The following PHF21A variants were observed in gnomAD, a reference collection of about 807,000 sequenced individuals.
The protein encoded by PHF21A is PHD finger protein 21A, also known as BHC80a.
In PHF21A, 11 loss-of-function variants were observed where a neutral mutation model predicts 82.5. The observed-to-expected ratio is 0.13, with a 90% CI of 0.08 to 0.22. The LOEUF (loss-of-function observed/expected upper bound fraction) is 0.22, where lower values mean the gene tolerates loss of function less well. Among genes scored for constraint, PHF21A ranks in the 10% least tolerant of loss-of-function variants. The pLI is 1.00. For missense variants in PHF21A, 579 were observed against 837.8 expected, an observed-to-expected ratio of 0.69 and a Z score of 3.81; for synonymous variants, 297 against 302.8, an observed-to-expected ratio of 0.98 and a Z score of 0.20.
intron 12 of PHF21A, among the ~76,000 whole-genome samples, chr11:45,949,710 T>C (rs2091851384): frequency 6.6e-6 from 1 of 152,198 alleles, no homozygotes; most frequent in South Asian, 2.1e-4. Flanking sequence ...TGTTGAGAGT[T>C]TAACAATAGA....
intron 6 of PHF21A, among the ~76,000 whole-genome samples, chr11:46,050,922 A>T (rs1241772330): frequency 6.6e-6 from 1 of 152,176 alleles, no homozygotes; most frequent in Non-Finnish European, 1.5e-5. Flanking sequence ...ATCTGCTTGT[A>T]TGCTACACAG....
At chr11:46,083,328 A>G (rs1354645422) in intron 4 of PHF21A, among the ~76,000 whole-genome samples, 1 of 152,216 alleles carries the variant, frequency 6.6e-6, no homozygotes, top group Non-Finnish European at 1.5e-5. Flanking sequence ...ACCCACACTA[A>G]TTCTGAGCAA....
chr11:45,958,532 G>T (rs1300235681), intron 10 of PHF21A, among the ~76,000 whole-genome samples: 1 of 146,396 alleles, frequency 6.8e-6, no homozygotes, highest in African/African-American at 2.5e-5. Context: ...AAGCTGAGGC[G>T]GGAGGATCAC....
At chr11:46,059,308 C>T (rs1277900216) in intron 6 of PHF21A, among the ~76,000 whole-genome samples, 1 of 152,104 alleles carries the variant, frequency 6.6e-6, no homozygotes, top group East Asian at 1.9e-4. Flanking sequence ...TGATAGGATA[C>T]TATCAAGCCA....
intron 11 of PHF21A, among the ~76,000 whole-genome samples, chr11:45,953,154 A>G (rs559311392): frequency 2.0e-5 from 3 of 152,360 alleles, no homozygotes; most frequent in East Asian, 1.9e-4. Context: ...AGTGAACTAG[A>G]TATCTTATAA....
chr11:46,025,657 CA>C (rs1202284577), intron 6 of PHF21A, among the ~76,000 whole-genome samples: 1 of 152,186 alleles, frequency 6.6e-6, no homozygotes, highest in African/African-American at 2.4e-5. Context: ...GTTGTAATGG[CA>C]CAGAAAATTC....
At chr11:46,094,512 A>C (rs2096966855) in intron 1 of PHF21A, among the ~76,000 whole-genome samples, 1 of 152,182 alleles carries the variant, frequency 6.6e-6, no homozygotes, top group Non-Finnish European at 1.5e-5. Context: ...TCTTCTAAAA[A>C]ACAAACTACA....
chr11:46,108,806 TA>T (rs2097180244), intron 1 of PHF21A, among the ~76,000 whole-genome samples: 1 of 152,058 alleles, frequency 6.6e-6, no homozygotes, highest in South Asian at 2.1e-4. Context: ...TTGCACCTAC[TA>T]AAAAAAGTAT....
intron 1 of PHF21A, among the ~76,000 whole-genome samples, chr11:46,110,240 T>A (rs1555200599): frequency 6.6e-6 from 1 of 152,100 alleles, no homozygotes; most frequent in Non-Finnish European, 1.5e-5. Context: ...TTATCCCCAT[T>A]TTACCACTGG....
chr11:46,026,272 G>A (rs1306651399), intron 6 of PHF21A, among the ~76,000 whole-genome samples: 1 of 152,122 alleles, frequency 6.6e-6, no homozygotes, highest in Non-Finnish European at 1.5e-5. Flanking sequence ...AGTGGCATGG[G>A]ATATGTTTTG....
chr11:45,944,638 C>T (rs2090998196), intron 15 of PHF21A, among the ~76,000 whole-genome samples: 1 of 152,218 alleles, frequency 6.6e-6, no homozygotes, highest in African/African-American at 2.4e-5. Flanking sequence ...TGTACACTCC[C>T]ACCTCAGGGC....
chr11:45,993,227 A>G (rs990164144), intron 6 of PHF21A, among the ~76,000 whole-genome samples: 2 of 152,218 alleles, frequency 1.3e-5, no homozygotes, highest in African/African-American at 4.8e-5. Context: ...TAGACCCTAA[A>G]TGAAAAATGA....
chr11:45,935,487 G>C, intron 18 of PHF21A, 149 bp downstream of exon 18: 1 of 657,488 alleles, frequency 1.5e-6, no homozygotes, highest in Non-Finnish European at 2.7e-6. Flanking sequence ...ACTCTAACTG[G>C]ATGGCAAACT....
intron 6 of PHF21A, among the ~76,000 whole-genome samples, chr11:46,063,179 C>T (rs1478458980): frequency 6.6e-6 from 1 of 152,112 alleles, no homozygotes; most frequent in Admixed American, 6.6e-5. Flanking sequence ...GAATTGAATT[C>T]GCCGGGGGGG....
chr11:46,068,402 T>C (rs1199418260), intron 6 of PHF21A, among the ~76,000 whole-genome samples: 1 of 152,178 alleles, frequency 6.6e-6, no homozygotes, highest in Non-Finnish European at 1.5e-5. Flanking sequence ...TGCACATTAT[T>C]TGAAAGCACA....
chr11:46,103,359 T>G (rs2097120140), intron 1 of PHF21A, among the ~76,000 whole-genome samples: 1 of 152,218 alleles, frequency 6.6e-6, no homozygotes, highest in South Asian at 2.1e-4. Context: ...CTATAATGCT[T>G]TACCTACTGG....
At chr11:46,026,069 C>T (rs957379857) in intron 6 of PHF21A, among the ~76,000 whole-genome samples, 1 of 152,230 alleles carries the variant, frequency 6.6e-6, no homozygotes, top group Admixed American at 6.5e-5. Flanking sequence ...CTAAATATAT[C>T]CTGGTATCAG....
chr11:45,953,198 T>C (rs1257625454), intron 11 of PHF21A, among the ~76,000 whole-genome samples: 1 of 152,216 alleles, frequency 6.6e-6, no homozygotes, highest in Non-Finnish European at 1.5e-5. Context: ...ACAGTAATGA[T>C]TAGGAATGTA....
intron 1 of PHF21A, among the ~76,000 whole-genome samples, chr11:46,092,635 A>AT (rs1293335214): frequency 6.6e-6 from 1 of 151,938 alleles, no homozygotes; most frequent in South Asian, 2.1e-4. Context: ...CATAAAAGGC[A>AT]TTTTTTTCAA....
Sources: allele counts gnomAD v4.1 joint callset (sites outside exome capture counted in the v4.1 genomes callset), GRCh38; gene constraint gnomAD v4.1.1; transcripts MANE v1.5; gene names NCBI Gene and HGNC (gene_info 2026-07-23, HGNC 2026-07-21).